Variants in FAM20B observed in about 807,000 individuals in gnomAD.
FAM20B encodes the protein FAM20B glycosaminoglycan xylosylkinase.
Under a neutral mutation model 43.8 loss-of-function variants are expected in FAM20B, and 23 were observed. The ratio of observed to expected loss-of-function variants is 0.53; its 90% CI spans 0.38 to 0.74. The LOEUF is 0.74. FAM20B is among the 30% of genes least tolerant of loss of function. The probability of loss-of-function intolerance (pLI) is 0.00; values close to 1 mark genes in which losing one functional copy is unlikely to be tolerated. For missense variants in FAM20B, 440 were observed against 510.5 expected (o/e 0.86, Z 1.33); for synonymous variants, 178 against 192.4 (o/e 0.93, Z 0.62).
the FAM20B span, among the ~76,000 whole-genome samples, chr1:179,017,852 C>T: frequency 6.6e-6 from 1 of 152,144 alleles, no homozygotes; most frequent in African/African-American, 2.4e-5. Flanking sequence ...TATTAGGGCA[C>T]CATTTACTTG....
intron 1 of FAM20B, among the ~76,000 whole-genome samples, chr1:179,034,384 T>TTCTCTC (rs138317999): frequency 6.6e-6 from 1 of 151,016 alleles, no homozygotes; most frequent in Non-Finnish European, 1.5e-5. Context: ...CTCCACCTCT[T>TTCTCTC]TCTCTCTCTC....
At chr1:179,030,997 C>T (rs970869109) in intron 1 of FAM20B, among the ~76,000 whole-genome samples, 5 of 152,080 alleles carry the variant, frequency 3.3e-5, no homozygotes, top group Admixed American at 1.3e-4. Flanking sequence ...TTGAGGTTCT[C>T]CTGCTTCTGA....
chr1:179,040,050 C>T (rs1038063970), intron 1 of FAM20B, among the ~76,000 whole-genome samples: 21 of 152,314 alleles, frequency 1.4e-4, no homozygotes, highest in East Asian at 1.4e-3. Context: ...GGGATGGGGG[C>T]AAGGTCACAG....
chr1:179,066,714 G>A, intron 6 of FAM20B, 86 bp from the exon 7 acceptor site: 1 of 896,868 alleles, frequency 1.1e-6, no homozygotes, highest in Non-Finnish European at 1.8e-6. Context: ...TCACATTTGA[G>A]TTTCATATAG....
chr1:179,054,108 CTTT>C (rs533407615), intron 3 of FAM20B, among the ~76,000 whole-genome samples: 2 of 138,492 alleles, frequency 1.4e-5, no homozygotes. Flanking sequence ...GATCAGTCTG[CTTT>C]TTTTTTTTTA....
At position 179,072,720 on chromosome 1, in the gene FAM20B, T is replaced by C. The variant is rs1651978101; in HGVS notation, c.*576T>C. 6.5e-6 allele frequency: 1 copy of C among 152,696 alleles called. No homozygotes were observed. The allele number at this position is 152,696 out of a possible 1,614,324, so 9.5% of individuals were successfully genotyped here. On this transcript the variant is annotated 3_prime_UTR_variant, in exon 8 of 8. Coordinates refer to ENST00000263733, the MANE Select transcript of FAM20B (RefSeq NM_014864.4). ...GGAAGGACAAAAACAGAAAAATGTT[T>C]GGGCTTTTAAGCCATTGGGTAGTAT...
chr1:179,064,098 G>A lies in FAM20B; in HGVS notation c.746G>A (p.Arg249Lys). The change falls in exon 5 of 8, where the codon AGG becomes AAG. Residue 249 changes from arginine to lysine, a missense_variant and splice_region_variant. By Grantham distance (26) the Arg-to-Lys change is conservative. Transcript: ENST00000263733. Reference sequence around the variant, plus strand: ...ACTTACCGAGAAGGCAAATTGGCCAGGTAAATGCTCCTATGAGCCATTACT... The same window carrying A: ...ACTTACCGAGAAGGCAAATTGGCCAAGTAAATGCTCCTATGAGCCATTACT... Reference protein sequence around the residue: ...GRTYREGKLARWEYDESYCDA... With the variant: ...GRTYREGKLAKWEYDESYCDA... 3 of 1,607,836 alleles carry A rather than the reference G, an allele frequency of 1.9e-6. No individual in the cohort carries two copies. The highest frequency in any genetic ancestry group is 2.5e-6 in the Non-Finnish European group (3 of 1,177,198).
intron 1 of FAM20B, among the ~76,000 whole-genome samples, chr1:179,042,663 A>G (rs997348773): frequency 1.3e-5 from 2 of 152,124 alleles, no homozygotes; most frequent in Non-Finnish European, 2.9e-5. Context: ...CACGCTGACA[A>G]CTGGGGGTGA....
At chr1:179,050,904 A>C (rs1381086081) in intron 3 of FAM20B, among the ~76,000 whole-genome samples, 1 of 151,988 alleles carries the variant, frequency 6.6e-6, no homozygotes, top group Non-Finnish European at 1.5e-5. Flanking sequence ...GGCAGATTGC[A>C]TGAGCTCAGG....
chr1:179,056,226 A>T (rs148662778), intron 4 of FAM20B, among the ~76,000 whole-genome samples: 53 of 152,304 alleles, frequency 3.5e-4, no homozygotes, highest in Middle Eastern at 3.4e-3. Flanking sequence ...TGACATGTAT[A>T]CATCATTATA....
At chr1:179,070,149 G>A (rs1651855187) in intron 7 of FAM20B, among the ~76,000 whole-genome samples, 1 of 151,940 alleles carries the variant, frequency 6.6e-6, no homozygotes, top group Admixed American at 6.6e-5. Context: ...AGGTTCAAGT[G>A]ATTCTCATGT....
upstream of FAM20B, among the ~76,000 whole-genome samples, chr1:179,025,522 C>T (rs1328208221): frequency 1.3e-5 from 2 of 152,042 alleles, no homozygotes; most frequent in Admixed American, 6.5e-5. Context: ...CCTAGGGGAC[C>T]GCAACTCTCC....
intron 1 of FAM20B, among the ~76,000 whole-genome samples, chr1:179,040,115 G>C (rs1650421836): frequency 6.8e-6 from 1 of 147,474 alleles, no homozygotes; most frequent in Non-Finnish European, 1.5e-5. Context: ...AAAATGAAAA[G>C]TCTCCCATGT....
At chr1:179,062,293 G>A (rs553768339) in intron 4 of FAM20B, among the ~76,000 whole-genome samples, 1 of 152,220 alleles carries the variant, frequency 6.6e-6, no homozygotes, top group South Asian at 2.1e-4. Flanking sequence ...GGAAATATAT[G>A]TATATGTGTG....
chr1:179,044,407 A>G (rs1222469242), intron 2 of FAM20B, among the ~76,000 whole-genome samples, 183 bp downstream of exon 2: 3 of 152,184 alleles, frequency 2.0e-5, no homozygotes, highest in East Asian at 3.9e-4. Flanking sequence ...ATCATATAGA[A>G]TAGTCTTCCT....
intron 1 of FAM20B, among the ~76,000 whole-genome samples, chr1:179,032,219 A>G (rs1650042088): frequency 6.6e-6 from 1 of 151,442 alleles, no homozygotes. Flanking sequence ...TCTGGAGGTC[A>G]TCTGGGTTTT....
chr1:179,036,764 A>G (rs1314548029), intron 1 of FAM20B, among the ~76,000 whole-genome samples: 1 of 152,224 alleles, frequency 6.6e-6, no homozygotes, highest in African/African-American at 2.4e-5. Flanking sequence ...ACCATATGCA[A>G]TAAGGTATTA....
intron 1 of FAM20B, among the ~76,000 whole-genome samples, chr1:179,026,762 G>T (rs553131269): frequency 6.6e-6 from 1 of 152,238 alleles, no homozygotes; most frequent in African/African-American, 2.4e-5. Flanking sequence ...ACGGCCCCGC[G>T]ATTAAGAGCG....
chr1:179,035,650 C>T (rs1650195057), intron 1 of FAM20B: 2 of 420,934 alleles, frequency 4.8e-6, no homozygotes, highest in Non-Finnish European at 8.8e-6. Context: ...TTTTCTTTGT[C>T]ATCTTGGAGG....
Sources: gnomAD v4.1 joint callset for allele counts (sites outside exome capture counted in the v4.1 genomes callset) on GRCh38, gnomAD v4.1.1 for gene constraint, MANE v1.5 for transcripts, NCBI Gene and HGNC (gene_info 2026-07-23, HGNC 2026-07-21) for gene names.